The following SDK1 variants were observed in gnomAD, a reference collection of about 807,000 sequenced individuals.
SDK1 encodes protein sidekick-1.
Under a neutral mutation model 245.5 loss-of-function variants are expected in SDK1, and 157 were observed. That is an observed-to-expected ratio of 0.64 (90% CI 0.56 to 0.73). The LOEUF (loss-of-function observed/expected upper bound fraction) is 0.73. SDK1 is among the 30% of genes least tolerant of loss of function. The probability of loss-of-function intolerance (pLI) is 0.00; values close to 1 mark genes in which losing one functional copy is unlikely to be tolerated. For synonymous variants in SDK1, 1,647 were observed against 1,278.5 expected, an observed-to-expected ratio of 1.29 and a Z score of -6.15; for missense variants, 3,583 against 3,002.3, an observed-to-expected ratio of 1.19 and a Z score of -4.52.
At chr7:4,160,109 G>A (rs1046912907) in intron 31 of SDK1, among the ~76,000 whole-genome samples, 1 of 152,226 alleles carries the variant, frequency 6.6e-6, no homozygotes, top group Non-Finnish European at 1.5e-5. Flanking sequence ...TCTACTTAAA[G>A]TGGGGACCAA....
intron 4 of SDK1, among the ~76,000 whole-genome samples, chr7:3,702,181 T>C (rs1784760220): frequency 6.6e-6 from 1 of 152,192 alleles, no homozygotes; most frequent in Non-Finnish European, 1.5e-5. Context: ...TGCAAGGGGA[T>C]GAAAAGACAA....
At chr7:3,746,588 T>C (rs1052010505) in intron 4 of SDK1, among the ~76,000 whole-genome samples, 8 of 152,254 alleles carry the variant, frequency 5.3e-5, no homozygotes, top group Non-Finnish European at 1.2e-4. Context: ...TGTTGTCATG[T>C]GAACAAAGTT....
chr7:4,214,244 A>G (rs1784664019), intron 38 of SDK1, among the ~76,000 whole-genome samples: 1 of 152,222 alleles, frequency 6.6e-6, no homozygotes, highest in South Asian at 2.1e-4. Flanking sequence ...AGTAAATGTG[A>G]AGGTGAACTT....
chr7:3,634,949 C>A (rs1218797714), intron 2 of SDK1, among the ~76,000 whole-genome samples: 4 of 152,164 alleles, frequency 2.6e-5, no homozygotes, highest in African/African-American at 9.7e-5. Flanking sequence ...AATGAGCAAT[C>A]ATATAAATAT....
chr7:3,363,363 C>G (rs1282071032), intron 1 of SDK1, among the ~76,000 whole-genome samples: 8 of 151,916 alleles, frequency 5.3e-5, no homozygotes, highest in Non-Finnish European at 1.0e-4. Flanking sequence ...TTTAACCATT[C>G]ACCTATTAAA....
chr7:3,930,493 G>A (rs999036850), intron 5 of SDK1, among the ~76,000 whole-genome samples: 1 of 152,196 alleles, frequency 6.6e-6, no homozygotes, highest in Non-Finnish European at 1.5e-5. Context: ...GCCAGACGTG[G>A]CTTCCAGTAA....
At chr7:4,185,971 G>A (rs551232610) in intron 35 of SDK1, among the ~76,000 whole-genome samples, 13 of 152,214 alleles carry the variant, frequency 8.5e-5, no homozygotes, top group East Asian at 5.8e-4. Flanking sequence ...GGGATGGAGC[G>A]GCTCCAGGGC....
intron 1 of SDK1, among the ~76,000 whole-genome samples, chr7:3,336,880 G>T (rs528593980): frequency 2.0e-5 from 3 of 152,348 alleles, no homozygotes; most frequent in South Asian, 4.1e-4. Context: ...ATGGTGGGGA[G>T]TGGGGGGCTA....
At chr7:3,405,157 AC>A (rs569966635) in intron 1 of SDK1, among the ~76,000 whole-genome samples, 1 of 145,994 alleles carries the variant, frequency 6.8e-6, no homozygotes, top group Non-Finnish European at 1.5e-5. Context: ...GTAAAAAAAA[AC>A]CAAAAAAAAA....
At chr7:3,514,526 G>A (rs774921332) in intron 1 of SDK1, among the ~76,000 whole-genome samples, 2 of 152,140 alleles carry the variant, frequency 1.3e-5, no homozygotes, top group Non-Finnish European at 2.9e-5. Context: ...GGACTTGGGC[G>A]TCTTTGTCAG....
intron 41 of SDK1, among the ~76,000 whole-genome samples, chr7:4,235,733 C>G (rs552091740): frequency 6.6e-6 from 1 of 152,352 alleles, no homozygotes; most frequent in Non-Finnish European, 1.5e-5. Flanking sequence ...GTTCAGGCCT[C>G]TCTGAAACTC....
intron 14 of SDK1, among the ~76,000 whole-genome samples, chr7:4,008,044 C>G (rs1236070808): frequency 6.6e-6 from 1 of 152,192 alleles, no homozygotes; most frequent in East Asian, 1.9e-4. Context: ...AACTTCTGCA[C>G]CACTAAACAG....
chr7:3,603,792 G>C (rs191577375), intron 1 of SDK1, among the ~76,000 whole-genome samples: 95 of 152,152 alleles, frequency 6.2e-4, no homozygotes, highest in East Asian at 4.5e-3. Flanking sequence ...TAGTTTTTGC[G>C]CATTCAGTAT....
chr7:4,171,478 A>G (rs1212552307), intron 32 of SDK1, among the ~76,000 whole-genome samples: 4 of 152,158 alleles, frequency 2.6e-5, no homozygotes, highest in Admixed American at 6.5e-5. Context: ...GTTTTTTTAT[A>G]GCTTTAAAAA....
At chr7:3,672,643 A>G (rs1003075301) in intron 4 of SDK1, among the ~76,000 whole-genome samples, 5 of 141,044 alleles carry the variant, frequency 3.5e-5, no homozygotes, top group Non-Finnish European at 7.6e-5. Context: ...TATTAAATAT[A>G]TATTAAATAA....
chr7:4,036,989 C>G (rs1400336142), intron 17 of SDK1, among the ~76,000 whole-genome samples: 1 of 152,134 alleles, frequency 6.6e-6, no homozygotes, highest in East Asian at 1.9e-4. Flanking sequence ...ATTTAAGAGG[C>G]CGTTTTTGAT....
chr7:3,899,681 A>C (rs1052245273), intron 5 of SDK1, among the ~76,000 whole-genome samples: 2 of 152,202 alleles, frequency 1.3e-5, no homozygotes, highest in African/African-American at 4.8e-5. Context: ...CACGCCTGCC[A>C]CGCAGCCCCG....
intron 5 of SDK1, among the ~76,000 whole-genome samples, chr7:3,934,938 T>C (rs1780103366): frequency 6.6e-6 from 1 of 152,216 alleles, no homozygotes; most frequent in South Asian, 2.1e-4. Flanking sequence ...CCAGGGAGAC[T>C]GTGCAAAGCC....
chr7:3,736,588 T>G (rs2115046828), intron 4 of SDK1, among the ~76,000 whole-genome samples: 1 of 152,274 alleles, frequency 6.6e-6, no homozygotes, highest in East Asian at 1.9e-4. Context: ...GGGGTTCTTT[T>G]TAGCTGCTAT....
Sources: gnomAD v4.1 joint callset for allele counts (sites outside exome capture counted in the v4.1 genomes callset) on GRCh38, gnomAD v4.1.1 for gene constraint, MANE v1.5 for transcripts, NCBI Gene and HGNC (gene_info 2026-07-23, HGNC 2026-07-21) for gene names.